Variants in MAP6 observed in about 807,000 individuals in gnomAD.
MAP6 encodes the protein microtubule associated protein 6.
MAP6 carries 26 observed loss-of-function variants against 42.4 expected under a neutral mutation model. The ratio of observed to expected loss-of-function variants is 0.61; its 90% confidence interval spans 0.45 to 0.85. MAP6 has a LOEUF of 0.85. Among genes scored for constraint, MAP6 ranks in the 40% least tolerant of loss-of-function variants. The pLI is 0.00. For missense variants in MAP6, 966 were observed against 1,099.0 expected, an observed-to-expected ratio of 0.88 and a Z score of 1.71; for synonymous variants, 418 against 443.8, an observed-to-expected ratio of 0.94 and a Z score of 0.73.
At chr11:75,622,076 T>C (rs1238125154) in intron 1 of MAP6, among the ~76,000 whole-genome samples, 2 of 151,766 alleles carry the variant, frequency 1.3e-5, no homozygotes, top group Non-Finnish European at 2.9e-5. Context: ...TAAAGGCTAC[T>C]AGAAAAAATG....
chr11:75,660,968 C>A (rs672393), intron 1 of MAP6, among the ~76,000 whole-genome samples: 2 of 149,290 alleles, frequency 1.3e-5, no homozygotes. Flanking sequence ...AAGACTAATC[C>A]TGAAAAAAAA....
chr11:75,607,540 T>C, intron 2 of MAP6: 1 of 985,438 alleles, frequency 1.0e-6, no homozygotes, highest in Non-Finnish European at 1.2e-6. Context: ...TGGTAACAAA[T>C]GCTGGGAACA....
rs927942527 is a variant in MAP6 at position 75,667,400 on chromosome 11, C to T, written c.905+65G>A. On this transcript the variant is annotated intron_variant, in intron 1 of 3. Transcript: ENST00000304771. The surrounding 1 kb of genome is among the most constrained non-coding windows in gnomAD (Gnocchi z 5.6). ...TAGGCCTGCGCTGGGGATCCTGGGC[C>T]CCGGGCAGCCCGCGGGGAGGGTCTG... is the stretch of plus-strand genomic sequence containing the variant. 2 of 1,358,836 alleles carry T rather than the reference C, an allele frequency of 1.5e-6. No homozygotes were observed. The highest frequency in any genetic ancestry group is 3.0e-5 in the African/African-American group (2 of 65,574). 84.2% of individuals were successfully genotyped at this position (1,358,836 alleles called of 1,614,324 possible).
intron 1 of MAP6, among the ~76,000 whole-genome samples, chr11:75,630,666 C>T (rs1348103203): frequency 9.9e-5 from 15 of 152,120 alleles, no homozygotes; most frequent in Admixed American, 9.8e-4. Flanking sequence ...CTCTGGGTAC[C>T]AGGTAATATT....
chr11:75,589,188 C>T (rs1209351117), intron 3 of MAP6, among the ~76,000 whole-genome samples: 1 of 152,212 alleles, frequency 6.6e-6, no homozygotes, highest in Non-Finnish European at 1.5e-5. Flanking sequence ...TCCCTATAGC[C>T]AAGAGTCCCA....
chr11:75,598,847 G>A (rs926866962), intron 3 of MAP6: 4 of 152,350 alleles, frequency 2.6e-5, no homozygotes, highest in African/African-American at 9.6e-5. Flanking sequence ...CAGTACATGT[G>A]GCAAGTTCCA....
intron 1 of MAP6, among the ~76,000 whole-genome samples, chr11:75,652,721 C>A (rs1276089817): frequency 1.3e-5 from 2 of 151,808 alleles, no homozygotes; most frequent in African/African-American, 4.8e-5. Flanking sequence ...TGCCTGTAAT[C>A]CCAGCTACTA....
At chr11:75,629,173 C>T (rs547260289) in intron 1 of MAP6, among the ~76,000 whole-genome samples, 8 of 152,186 alleles carry the variant, frequency 5.3e-5, no homozygotes, top group Admixed American at 1.3e-4. Context: ...CTGCAAATTC[C>T]GCCTCCTGAG....
chr11:75,632,269 T>C (rs1452846320), intron 1 of MAP6, among the ~76,000 whole-genome samples: 2 of 152,188 alleles, frequency 1.3e-5, no homozygotes, highest in Non-Finnish European at 2.9e-5. Context: ...TTCCTCTGTG[T>C]TCCATTCCAA....
intron 1 of MAP6, among the ~76,000 whole-genome samples, chr11:75,616,829 A>G (rs1298523909): frequency 1.3e-5 from 2 of 152,282 alleles, no homozygotes; most frequent in Admixed American, 1.3e-4. Flanking sequence ...ATTATTTAGG[A>G]TCATTTTTCT....
At chr11:75,615,952 C>T (rs1002851953) in intron 1 of MAP6, among the ~76,000 whole-genome samples, 84 of 24,154 alleles carry the variant, frequency 3.5e-3, no homozygotes, top group African/African-American at 0.017. Flanking sequence ...CAGGAGTGCG[C>T]GGGGCGGCAG....
intron 2 of MAP6, among the ~76,000 whole-genome samples, chr11:75,606,355 T>C (rs1942775285): frequency 6.6e-6 from 1 of 152,116 alleles, no homozygotes; most frequent in Non-Finnish European, 1.5e-5. Context: ...CCCACAGGCA[T>C]AGGATTTTGC....
At chr11:75,627,682 C>T (rs1343528664) in intron 1 of MAP6, among the ~76,000 whole-genome samples, 1 of 152,190 alleles carries the variant, frequency 6.6e-6, no homozygotes, top group African/African-American at 2.4e-5. Flanking sequence ...CTACCTCATT[C>T]AATCGTCATG....
intron 1 of MAP6, among the ~76,000 whole-genome samples, chr11:75,614,037 TC>T (rs1348411140): frequency 6.6e-6 from 1 of 152,212 alleles, no homozygotes; most frequent in Non-Finnish European, 1.5e-5. Context: ...CTTCAACTCC[TC>T]CTTTCTGGTC....
In MAP6 at chr11:75,630,494, T is replaced by A. The variant is rs143615025; in HGVS notation, c.906-22172A>T. 7.2e-5 allele frequency among the ~76,000 whole-genome samples: 11 copies of A among 152,372 alleles called. No homozygotes were observed. The South Asian group carries it at 8.3e-4, about 11-fold the overall frequency. The stretch of plus-strand genomic sequence containing the variant: ...TATCTTACCTGATATAATTTAATGA[T>A]GAATATTTAACTTAAAATTTTAAAA... On this transcript the variant is annotated intron_variant, in intron 1 of 3. Transcript: ENST00000304771.
intron 1 of MAP6, among the ~76,000 whole-genome samples, chr11:75,647,347 C>CAAAAAAAAAAAAAAAAAAAAACAAAAAAA: frequency 2.3e-5 from 1 of 44,186 alleles, no homozygotes. Flanking sequence ...CCCACCTGAT[C>CAAAAAAAAAAAAAAAAAAAAACAAAAAAA]AAAAAAAAAA....
intron 3 of MAP6, among the ~76,000 whole-genome samples, chr11:75,589,027 C>G (rs1163241689): frequency 6.6e-6 from 1 of 152,094 alleles, no homozygotes; most frequent in Non-Finnish European, 1.5e-5. Flanking sequence ...TGCACCACTC[C>G]CACTACCCCC....
At chr11:75,665,069 T>C (rs1943923253) in intron 1 of MAP6, among the ~76,000 whole-genome samples, 1 of 152,228 alleles carries the variant, frequency 6.6e-6, no homozygotes, top group South Asian at 2.1e-4. Context: ...ACAAAAGACC[T>C]AAATTTAAAA....
chr11:75,608,188 G>A lies in MAP6; in HGVS notation c.1040C>T (p.Pro347Leu). ...AATGACCTTATTGTCAGCTGTTGTT[G>A]GCTTGCTGGCCTCTCCTTTGAACTG... is the stretch of plus-strand genomic sequence containing the variant. ...SAQFKGEASK[P>L]TTADNKVIDR... The change falls in exon 2 of 4, where the codon CCA becomes CTA. Residue 347 changes from proline to leucine, a missense_variant. Coordinates refer to ENST00000304771, the MANE Select transcript of MAP6 (RefSeq NM_033063.2). The A allele has an allele frequency of 6.2e-7, 1 of 1,614,164 alleles. No individual in the cohort carries two copies. The highest frequency in any genetic ancestry group is 1.1e-5 in the South Asian group (1 of 91,066).
Sources: gnomAD v4.1 joint callset for allele counts (sites outside exome capture counted in the v4.1 genomes callset) on GRCh38, gnomAD v4.1.1 for gene constraint, Gnocchi (gnomAD v3.1) non-coding constraint, MANE v1.5 for transcripts, NCBI Gene and HGNC (gene_info 2026-07-23, HGNC 2026-07-21) for gene names.